Variants in RFX3 observed in about 807,000 individuals in gnomAD.
RFX3 encodes transcription factor RFX3.
Under a neutral mutation model 98.6 loss-of-function variants are expected in RFX3, and 14 were observed. That is an observed-to-expected ratio of 0.14 (90% CI 0.09 to 0.22). RFX3 has a LOEUF of 0.22. Ranked by LOEUF, RFX3 falls within the 10% of genes least tolerant of loss-of-function variation. The probability of loss-of-function intolerance (pLI) is 1.00; values close to 1 mark genes in which losing one functional copy is unlikely to be tolerated. For missense variants in RFX3, 639 were observed against 926.9 expected (o/e 0.69, Z 4.03); for synonymous variants, 383 against 328.4 (o/e 1.17, Z -1.80).
At position 3,370,283 on chromosome 9, in the gene RFX3, C is replaced by A. The variant is rs562744162; in HGVS notation, c.118-23519G>T. The stretch of plus-strand genomic sequence containing the variant: ...TTCAATTCAATATTAATTATTTATC[C>A]TCAGAAAACTGAACAAAATACTTAT... On this transcript the variant is annotated intron_variant, in intron 2 of 16. Transcript: ENST00000617270. Among the ~76,000 whole-genome samples, 572 of 151,434 alleles carry A rather than the reference C, an allele frequency of 3.8e-3. 1 individual carries two copies. Among genetic ancestry groups the A allele is most frequent in the Non-Finnish European group, 6.5e-3 (441 of 67,888 alleles).
At chr9:3,233,914 T>C (rs1274488660) in intron 15 of RFX3, among the ~76,000 whole-genome samples, 1 of 152,180 alleles carries the variant, frequency 6.6e-6, no homozygotes, top group Non-Finnish European at 1.5e-5. Flanking sequence ...CCAAGAACTG[T>C]AAACCAGACA....
chr9:3,381,197 C>T (rs1188461089), intron 2 of RFX3, among the ~76,000 whole-genome samples: 2 of 151,702 alleles, frequency 1.3e-5, no homozygotes, highest in Non-Finnish European at 2.9e-5. Flanking sequence ...CAAGGAAAAA[C>T]CTTGAAAATA....
At chr9:3,346,302 T>C (rs1208568688) in intron 3 of RFX3, among the ~76,000 whole-genome samples, 1 of 152,102 alleles carries the variant, frequency 6.6e-6, no homozygotes, top group Non-Finnish European at 1.5e-5. Context: ...TACATGCAAA[T>C]ACATCACATA....
chr9:3,354,563 C>G (rs1447805847), intron 2 of RFX3, among the ~76,000 whole-genome samples: 1 of 151,454 alleles, frequency 6.6e-6, no homozygotes, highest in African/African-American at 2.4e-5. Context: ...ACAAAAAAAA[C>G]AGCTTTAAAG....
At chr9:3,378,490 T>A (rs545267476) in intron 2 of RFX3, among the ~76,000 whole-genome samples, 1 of 151,926 alleles carries the variant, frequency 6.6e-6, no homozygotes, top group South Asian at 2.1e-4. Flanking sequence ...CTATATCTCC[T>A]ATTTTTAAGT....
intron 1 of RFX3, among the ~76,000 whole-genome samples, chr9:3,476,167 T>C (rs888712750): frequency 6.7e-6 from 1 of 149,632 alleles, no homozygotes; most frequent in Admixed American, 6.7e-5. Flanking sequence ...ATGATACTCA[T>C]ATATAATATA....
At chr9:3,387,176 C>A (rs183055676) in intron 2 of RFX3, among the ~76,000 whole-genome samples, 1 of 152,122 alleles carries the variant, frequency 6.6e-6, no homozygotes, top group Non-Finnish European at 1.5e-5. Flanking sequence ...CTCCCAAAGA[C>A]AATCTTCCAT....
chr9:3,224,524 CA>C lies in RFX3; in HGVS notation c.*517del, dbSNP rs1817560476. On this transcript the variant is annotated 3_prime_UTR_variant, in exon 17 of 17. Coordinates refer to ENST00000617270, the MANE Select transcript of RFX3 (RefSeq NM_001282116.2). ...ATGCTCTGTATTCTCTCTCCATACT[CA>C]AAATGTTATCAAAATAGTGTCTTAT... 1 of 155,202 alleles carries C rather than the reference CA, an allele frequency of 6.4e-6. No homozygotes were observed. Among genetic ancestry groups the C allele is most frequent in the Admixed American group, 6.3e-5 (1 of 15,954 alleles). 9.6% of individuals were successfully genotyped at this position (155,202 alleles called of 1,614,324 possible).
chr9:3,450,664 A>G (rs547056884), intron 1 of RFX3, among the ~76,000 whole-genome samples: 1 of 152,336 alleles, frequency 6.6e-6, no homozygotes, highest in East Asian at 1.9e-4. Flanking sequence ...AACCTGCTTC[A>G]AATTACCATG....
chr9:3,383,101 T>C (rs1327025784), intron 2 of RFX3, among the ~76,000 whole-genome samples: 1 of 152,158 alleles, frequency 6.6e-6, no homozygotes, highest in Non-Finnish European at 1.5e-5. Flanking sequence ...ATACAAAATA[T>C]TCCTTTCCGC....
intron 15 of RFX3, among the ~76,000 whole-genome samples, chr9:3,236,813 G>A (rs977498497): frequency 3.9e-5 from 6 of 152,240 alleles, no homozygotes; most frequent in Non-Finnish European, 7.3e-5. Context: ...GTACCTTGGA[G>A]ACCAGTTCTG....
chr9:3,353,274 C>T (rs1835373398), intron 2 of RFX3, among the ~76,000 whole-genome samples: 1 of 151,550 alleles, frequency 6.6e-6, no homozygotes, highest in Non-Finnish European at 1.5e-5. Flanking sequence ...GTGCAGCACA[C>T]CAGCATGGCA....
chr9:3,415,171 TTA>T (rs374414473), intron 1 of RFX3, among the ~76,000 whole-genome samples: 3 of 136,800 alleles, frequency 2.2e-5, no homozygotes, highest in Admixed American at 7.7e-5. Flanking sequence ...ATATATATAC[TTA>T]TATATATATA....
At chr9:3,453,004 T>A (rs1324384569) in intron 1 of RFX3, among the ~76,000 whole-genome samples, 1 of 152,214 alleles carries the variant, frequency 6.6e-6, no homozygotes, top group Non-Finnish European at 1.5e-5. Flanking sequence ...TAGCCCTCTC[T>A]ATTTACTAGT....
At chr9:3,492,765 C>T (rs1389111641) in intron 1 of RFX3, among the ~76,000 whole-genome samples, 1 of 151,988 alleles carries the variant, frequency 6.6e-6, no homozygotes, top group African/African-American at 2.4e-5. Flanking sequence ...AACAGAACTG[C>T]TAAAAAAATC....
At chr9:3,335,529 C>A (rs1200825961) in intron 3 of RFX3, among the ~76,000 whole-genome samples, 1 of 152,112 alleles carries the variant, frequency 6.6e-6, no homozygotes, top group African/African-American at 2.4e-5. Flanking sequence ...AGATTGAAAG[C>A]AGCTAACTAT....
chr9:3,326,109 G>C (rs1831884688), intron 4 of RFX3, among the ~76,000 whole-genome samples: 1 of 151,792 alleles, frequency 6.6e-6, no homozygotes, highest in Non-Finnish European at 1.5e-5. Flanking sequence ...ATTATCCGCA[G>C]GAAATGCCTT....
chr9:3,470,384 G>A (rs916869266), intron 1 of RFX3, among the ~76,000 whole-genome samples: 3 of 148,638 alleles, frequency 2.0e-5, no homozygotes, highest in African/African-American at 7.5e-5. Context: ...GTGCGATCTT[G>A]ACTCACTACA....
At chr9:3,260,767 G>C (rs908945536) in intron 13 of RFX3, among the ~76,000 whole-genome samples, 2 of 151,322 alleles carry the variant, frequency 1.3e-5, no homozygotes, top group Middle Eastern at 3.5e-3. Context: ...CTTTGTTCTT[G>C]TAAAGATTAT....
Sources: allele counts gnomAD v4.1 joint callset (sites outside exome capture counted in the v4.1 genomes callset), GRCh38; gene constraint gnomAD v4.1.1; transcripts MANE v1.5; gene names NCBI Gene and HGNC (gene_info 2026-07-23, HGNC 2026-07-21).